ZBTB34: variants seen among roughly 807,000 people sequenced by gnomAD.
ZBTB34 encodes zinc finger and BTB domain-containing protein 34.
Under a neutral mutation model 33.4 loss-of-function variants are expected in ZBTB34, and 1 was observed. The ratio of observed to expected loss-of-function variants is 0.03; its 90% CI spans 0.01 to 0.14. The LOEUF is 0.14. ZBTB34 is among the 10% of genes least tolerant of loss of function. The pLI is 1.00. For missense variants in ZBTB34, 406 were observed against 657.2 expected (o/e 0.62, Z 4.18); for synonymous variants, 283 against 253.5 (o/e 1.12, Z -1.11).
rs1023653655 is a variant in ZBTB34 at position 126,870,756 on chromosome 9, G to A, written c.-10-8634G>A. On this transcript the variant is annotated intron_variant, in intron 1 of 1. Coordinates refer to ENST00000319119, the Ensembl canonical transcript of ZBTB34. ...AGCCTGGCCAACATGGTGAAACCCC[G>A]TCTCTACTAAAAATACAAAAATTAG... is the stretch of plus-strand genomic sequence containing the variant. 1.2e-4 allele frequency among the ~76,000 whole-genome samples: 18 copies of A among 152,172 alleles called. No individual in the cohort carries two copies. In the South Asian group the frequency reaches 1.2e-3, roughly 11 times the overall value.
intron 1 of ZBTB34, among the ~76,000 whole-genome samples, chr9:126,877,545 C>T (rs1207880808): frequency 6.6e-6 from 1 of 152,088 alleles, no homozygotes; most frequent in Admixed American, 6.5e-5. Context: ...GGAGCCGGGG[C>T]TATATATACT....
At chr9:126,874,036 CTTTTTTTTTTTTTT>C (rs781115278) in intron 1 of ZBTB34, among the ~76,000 whole-genome samples, 4 of 66,034 alleles carry the variant, frequency 6.1e-5, no homozygotes, top group African/African-American at 2.5e-4. Flanking sequence ...TGTGTATGTT[CTTTTTTTTTTTTTT>C]TTTTTTTTTT....
chr9:126,873,465 C>T (rs1272706179), intron 1 of ZBTB34, among the ~76,000 whole-genome samples: 1 of 151,874 alleles, frequency 6.6e-6, no homozygotes, highest in African/African-American at 2.4e-5. Context: ...GGTTTCACCA[C>T]GTTGGCCAGG....
intron 1 of ZBTB34, among the ~76,000 whole-genome samples, chr9:126,875,515 T>A (rs973469989): frequency 6.6e-6 from 1 of 152,212 alleles, no homozygotes; most frequent in Non-Finnish European, 1.5e-5. Flanking sequence ...TTTGTCCATA[T>A]TAAAATGAGT....
chr9:126,868,379 C>T (rs1650713848), intron 1 of ZBTB34, among the ~76,000 whole-genome samples: 2 of 152,184 alleles, frequency 1.3e-5, no homozygotes, highest in Admixed American at 6.5e-5. Context: ...ATTTCCAGAG[C>T]CCCCGCTTTG....
In ZBTB34 at chr9:126,876,065, G is replaced by T. The variant is rs559015683; in HGVS notation, c.-10-3325G>T. ...TAATGTGTGTTTTAATCCCTAGGAG[G>T]TGAGGATATTGGGGCTAGCTATTGG... On this transcript the variant is annotated intron_variant, in intron 1 of 1. Transcript: ENST00000319119. 2.7e-5 allele frequency among the ~76,000 whole-genome samples: 4 copies of T among 150,026 alleles called. No individual in the cohort carries two copies. The South Asian group carries it at 8.4e-4, about 32-fold the overall frequency.
chr9:126,874,471 G>A (rs1005953908), intron 1 of ZBTB34, among the ~76,000 whole-genome samples: 11 of 152,066 alleles, frequency 7.2e-5, no homozygotes, highest in Non-Finnish European at 1.2e-4. Context: ...TAGTTACTAC[G>A]TTTGTTCTGG....
intron 1 of ZBTB34, among the ~76,000 whole-genome samples, chr9:126,866,064 G>A (rs2033196453): frequency 6.6e-6 from 1 of 152,118 alleles, no homozygotes; most frequent in Non-Finnish European, 1.5e-5. Flanking sequence ...TTCATCAGGT[G>A]CTGTGTTTCC....
chr9:126,874,842 G>A (rs1367578492), intron 1 of ZBTB34, among the ~76,000 whole-genome samples: 1 of 152,138 alleles, frequency 6.6e-6, no homozygotes, highest in Non-Finnish European at 1.5e-5. Flanking sequence ...ATTTAAAATA[G>A]CAGTTGTTCA....
In ZBTB34 at chr9:126,877,144, C is replaced by A. The variant is rs553961343; in HGVS notation, c.-10-2246C>A. Among the ~76,000 whole-genome samples the A allele has an allele frequency of 2.6e-5, 4 of 152,280 alleles. No homozygotes were observed. In the South Asian group the frequency reaches 6.2e-4, roughly 24 times the overall value. The stretch of plus-strand genomic sequence containing the variant: ...TTTAATGATAAAAACTCTTAAGGCA[C>A]TGACTTTTCCTGTTACAGCTTTTTG... On this transcript the variant is annotated intron_variant, in intron 1 of 1. Transcript: ENST00000319119.
chr9:126,885,074 C>T (rs2033502532), exon 2 of ZBTB34: 1 of 167,050 alleles, frequency 6.0e-6, no homozygotes, highest in Non-Finnish European at 1.5e-5. Context: ...TTACTCAGTG[C>T]AACTGAACTA....
chr9:126,867,592 T>C (rs2033224049), intron 1 of ZBTB34, among the ~76,000 whole-genome samples: 1 of 151,918 alleles, frequency 6.6e-6, no homozygotes, highest in South Asian at 2.1e-4. Context: ...TTCCTCAATA[T>C]ATCATTTATC....
chr9:126,863,070 C>G (rs1018569974), intron 1 of ZBTB34, among the ~76,000 whole-genome samples: 2 of 152,118 alleles, frequency 1.3e-5, no homozygotes, highest in Non-Finnish European at 2.9e-5. Context: ...ACGTTTCCCT[C>G]TGATCATGGG....
In ZBTB34 at chr9:126,880,631, A is replaced by G. The variant is rs1338645396; in HGVS notation, c.1232A>G (p.Lys411Arg). 1.2e-6 allele frequency: 2 copies of G among 1,613,794 alleles called. No individual in the cohort carries two copies. Among genetic ancestry groups the G allele is most frequent in the African/African-American group, 1.3e-5 (1 of 74,950 alleles). ...CCCTTTGTGTGCAAGTTCTGTGGGA[A>G]GAAGTACACACGGAAGGACCAACTG... is the stretch of plus-strand genomic sequence containing the variant. The change falls in exon 2 of 2, where the codon AAG becomes AGG. Residue 411 changes from lysine to arginine, a missense_variant. By Grantham distance (26) the Lys-to-Arg change is conservative (BLOSUM62 2). Coordinates refer to ENST00000319119, the Ensembl canonical transcript of ZBTB34. The surrounding 1 kb of genome is among the most constrained non-coding windows in gnomAD (Gnocchi z 6.7).
At chr9:126,863,294 A>C (rs977058318) in intron 1 of ZBTB34, among the ~76,000 whole-genome samples, 10 of 152,210 alleles carry the variant, frequency 6.6e-5, no homozygotes, top group African/African-American at 2.2e-4. Flanking sequence ...AACGAAGTAG[A>C]AAAATGTGCA....
exon 2 of ZBTB34, chr9:126,882,042 T>C (rs2033449749): frequency 6.0e-6 from 1 of 166,808 alleles, no homozygotes; most frequent in Admixed American, 6.6e-5. Context: ...CCAGGGAAAC[T>C]GCAGAACTTA....
chr9:126,882,972 C>T (rs41274420), exon 2 of ZBTB34: 18,083 of 166,908 alleles, frequency 0.11, 1,371 homozygotes, highest in East Asian at 0.4. Context: ...CCGCTGCTCC[C>T]GAGGAGCGGC....
chr9:126,874,697 A>G (rs1314467131), intron 1 of ZBTB34, among the ~76,000 whole-genome samples: 1 of 152,042 alleles, frequency 6.6e-6, no homozygotes, highest in South Asian at 2.1e-4. Flanking sequence ...GCCTTGTTCC[A>G]GCTGTGCACA....
At chr9:126,884,076 A>G (rs1170910237) in exon 2 of ZBTB34, 1 of 167,100 alleles carries the variant, frequency 6.0e-6, no homozygotes, top group African/African-American at 2.4e-5. Context: ...GCAGAAATCA[A>G]TTAAGATAAA....
Sources: gnomAD v4.1 joint callset for allele counts (sites outside exome capture counted in the v4.1 genomes callset) on GRCh38, gnomAD v4.1.1 for gene constraint, Gnocchi (gnomAD v3.1) non-coding constraint, MANE v1.5 for transcripts, NCBI Gene and HGNC (gene_info 2026-07-23, HGNC 2026-07-21) for gene names.